The following AGBL4 variants were observed in gnomAD, a reference collection of about 807,000 sequenced individuals.
The protein encoded by AGBL4 is AGBL carboxypeptidase 4.
In AGBL4, 58 loss-of-function variants were observed where a neutral mutation model predicts 66.4. The ratio of observed to expected loss-of-function variants is 0.87; its 90% CI spans 0.71 to 1.09. The LOEUF is 1.09. Among genes scored for constraint, AGBL4 ranks in the 50% least tolerant of loss-of-function variants. AGBL4 has a pLI of 0.00. For missense variants in AGBL4, 579 were observed against 631.0 expected, an observed-to-expected ratio of 0.92 and a Z score of 0.88; for synonymous variants, 234 against 222.9, an observed-to-expected ratio of 1.05 and a Z score of -0.44.
chr1:49,773,736 G>A (rs1644123884), intron 2 of AGBL4, among the ~76,000 whole-genome samples: 1 of 152,218 alleles, frequency 6.6e-6, no homozygotes, highest in Non-Finnish European at 1.5e-5. Flanking sequence ...ATCATGAGCA[G>A]ATCAGGCAGC....
chr1:49,695,840 A>T (rs1646972459), intron 3 of AGBL4, among the ~76,000 whole-genome samples: 1 of 152,138 alleles, frequency 6.6e-6, no homozygotes. Context: ...ACAAAATTAA[A>T]GTATCAAAGC....
intron 2 of AGBL4, among the ~76,000 whole-genome samples, chr1:49,758,661 G>A (rs1652077156): frequency 6.6e-6 from 1 of 151,744 alleles, no homozygotes; most frequent in African/African-American, 2.4e-5. Flanking sequence ...CATTTGGAAT[G>A]AGAACATTTA....
rs1439369359 is a variant in AGBL4, at chr1:49,564,259, T to C, written c.282+133054A>G. 7.2e-5 allele frequency among the ~76,000 whole-genome samples: 11 copies of C among 152,234 alleles called. 1 individual carries two copies. Among genetic ancestry groups the C allele is most frequent in the Non-Finnish European group, 1.2e-4 (8 of 68,040 alleles). ...TTGTTGATCTTTTCAAAAAACCAGC[T>C]GCTGGATTCACGGATTTTTTGAAGG... On this transcript the variant is annotated intron_variant, in intron 3 of 13. Transcript: ENST00000371839.
intron 1 of AGBL4, among the ~76,000 whole-genome samples, chr1:49,864,626 A>T (rs1571742720): frequency 2.0e-5 from 3 of 152,098 alleles, no homozygotes; most frequent in Admixed American, 2.0e-4. Context: ...GTGCTACCCA[A>T]CCTGGGAAGC....
intron 4 of AGBL4, among the ~76,000 whole-genome samples, chr1:49,062,952 T>C (rs1265636989): frequency 6.6e-6 from 1 of 152,224 alleles, no homozygotes; most frequent in East Asian, 1.9e-4. Context: ...TTTATTAATC[T>C]TAGAAGCTCT....
Position 48,539,747 on chromosome 1 carries a change from G to T in AGBL4, c.1268-9C>A. Reference sequence around the variant, plus strand: ...CCGCCCCAGCTTCATATCTGCAGGTGTGTGCATTAAGGAGCAACTTCGAAA... The same window carrying T: ...CCGCCCCAGCTTCATATCTGCAGGTTTGTGCATTAAGGAGCAACTTCGAAA... On this transcript the variant is annotated splice_polypyrimidine_tract_variant and intron_variant, in intron 11 of 13. Coordinates refer to ENST00000371839, the MANE Select transcript of AGBL4 (RefSeq NM_032785.4). 1 of 1,515,608 alleles carries T rather than the reference G, an allele frequency of 6.6e-7. No individual in the cohort carries two copies. Among genetic ancestry groups the T allele is most frequent in the South Asian group, 1.3e-5 (1 of 79,534 alleles). 93.9% of individuals were successfully genotyped at this position (1,515,608 alleles called of 1,614,324 possible).
At chr1:49,170,675 GTA>G (rs527850213) in intron 4 of AGBL4, among the ~76,000 whole-genome samples, 48 of 147,124 alleles carry the variant, frequency 3.3e-4, no homozygotes, top group South Asian at 4.3e-4. Flanking sequence ...TTAAATATGT[GTA>G]TATATATATA....
intron 9 of AGBL4, among the ~76,000 whole-genome samples, chr1:48,613,585 A>G (rs1447515513): frequency 6.6e-6 from 1 of 152,210 alleles, no homozygotes; most frequent in Non-Finnish European, 1.5e-5. Context: ...TGGCTAACGG[A>G]ATGTGAGCAG....
chr1:49,883,468 T>C (rs1264157150), intron 1 of AGBL4, among the ~76,000 whole-genome samples: 2 of 152,110 alleles, frequency 1.3e-5, no homozygotes, highest in Non-Finnish European at 2.9e-5. Flanking sequence ...ATTATGTGTA[T>C]CTTTTTACCT....
chr1:48,852,584 A>C (rs1647057844), intron 6 of AGBL4, among the ~76,000 whole-genome samples: 1 of 152,182 alleles, frequency 6.6e-6, no homozygotes, highest in African/African-American at 2.4e-5. Flanking sequence ...CTTTTTTCCT[A>C]AATTAGAGAA....
At chr1:48,905,292 C>G (rs1348583237) in intron 5 of AGBL4, among the ~76,000 whole-genome samples, 2 of 152,160 alleles carry the variant, frequency 1.3e-5, no homozygotes, top group Non-Finnish European at 2.9e-5. Flanking sequence ...GCTTGCAGGC[C>G]TTCTAATTTT....
chr1:49,158,762 G>A (rs902340861), intron 4 of AGBL4, among the ~76,000 whole-genome samples: 11 of 151,642 alleles, frequency 7.3e-5, no homozygotes, highest in South Asian at 4.2e-4. Context: ...TATATTGGCC[G>A]CATATATATT....
At chr1:48,798,780 C>T (rs1326812528) in intron 6 of AGBL4, among the ~76,000 whole-genome samples, 2 of 152,120 alleles carry the variant, frequency 1.3e-5, no homozygotes, top group Non-Finnish European at 2.9e-5. Flanking sequence ...GTCCTTTCCC[C>T]ACCCACTTTA....
intron 8 of AGBL4, among the ~76,000 whole-genome samples, chr1:48,643,290 GC>G (rs1473470780): frequency 7.9e-5 from 12 of 152,238 alleles, no homozygotes; most frequent in Middle Eastern, 3.4e-3. Context: ...ACGCATTTCT[GC>G]CAAGTCTCAA....
intron 4 of AGBL4, among the ~76,000 whole-genome samples, chr1:49,161,748 G>T (rs1325048817): frequency 6.6e-6 from 1 of 151,854 alleles, no homozygotes; most frequent in Non-Finnish European, 1.5e-5. Context: ...TTCCCTTTTG[G>T]TTCTTCACAC....
intron 5 of AGBL4, among the ~76,000 whole-genome samples, chr1:48,944,300 C>A (rs1656268766): frequency 6.6e-6 from 1 of 152,158 alleles, no homozygotes; most frequent in Non-Finnish European, 1.5e-5. Context: ...AGCTTCAAAG[C>A]TGAGTTGAGT....
In AGBL4 at chr1:49,284,881, G is replaced by C. The variant is rs1431131534; in HGVS notation, c.283-39017C>G. Among the ~76,000 whole-genome samples, 6 of 150,444 alleles carry C rather than the reference G, an allele frequency of 4.0e-5. No homozygotes were observed. In the Middle Eastern group the frequency reaches 0.014, roughly 343 times the overall value. ...CACCCAGATTCATAAAGCAAGTCCT[G>C]AGTGACCTACAAAGAGACTTAGACT... On this transcript the variant is annotated intron_variant, in intron 3 of 13. Transcript: ENST00000371839.
At chr1:49,156,462 A>C (rs180805257) in intron 4 of AGBL4, among the ~76,000 whole-genome samples, 1 of 152,322 alleles carries the variant, frequency 6.6e-6, no homozygotes, top group African/African-American at 2.4e-5. Flanking sequence ...GGAGTAAATT[A>C]GCTAGATTGT....
At chr1:49,976,377 T>C (rs1393911618) in intron 1 of AGBL4, among the ~76,000 whole-genome samples, 1 of 152,154 alleles carries the variant, frequency 6.6e-6, no homozygotes, top group Admixed American at 6.5e-5. Flanking sequence ...GGGGTTAAAA[T>C]GTATATTGAT....
Sources: gnomAD v4.1 joint callset for allele counts (sites outside exome capture counted in the v4.1 genomes callset) on GRCh38, gnomAD v4.1.1 for gene constraint, MANE v1.5 for transcripts, NCBI Gene and HGNC (gene_info 2026-07-23, HGNC 2026-07-21) for gene names.